The following POLR1B variants were observed in gnomAD, a reference collection of about 807,000 sequenced individuals.
POLR1B encodes the protein RNA polymerase I subunit B, also known as DNA-directed RNA polymerase I subunit RPA2.
In POLR1B, 30 loss-of-function variants were observed where a neutral mutation model predicts 105.8. The observed-to-expected ratio is 0.28, with a 90% CI of 0.21 to 0.38. The LOEUF (loss-of-function observed/expected upper bound fraction) is 0.38. POLR1B is among the 10% of genes least tolerant of loss of function. POLR1B has a pLI of 1.00. For missense variants in POLR1B, 976 were observed against 1,435.8 expected (o/e 0.68, Z 5.17); for synonymous variants, 485 against 505.1 (o/e 0.96, Z 0.53).
At position 112,575,498 on chromosome 2, in the gene POLR1B, C is replaced by T. The variant is rs374115474; in HGVS notation, c.3177C>T (p.Phe1059=). The change falls in exon 15 of 15, where the codon TTC becomes TTT. Residue 1059 remains phenylalanine, a synonymous_variant. Transcript: ENST00000263331. This position sits in a 1 kb window ranked among gnomAD's most constrained non-coding sequence, Gnocchi z 5.3. ...GTSFLLHDRL[F]NCSDRSVAHV... The stretch of plus-strand genomic sequence containing the variant: ...CTTTTCTCCTTCATGACCGCCTCTT[C>T]AACTGCTCAGATCGGTCGGTAGCCC... 9.9e-5 allele frequency: 160 copies of T among 1,614,042 alleles called. 1 individual carries two copies. Among genetic ancestry groups the T allele is most frequent in the Middle Eastern group, 6.6e-4 (4 of 6,082 alleles).
chr2:112,554,415 G>C (rs2104528483), intron 7 of POLR1B: 1 of 152,262 alleles, frequency 6.6e-6, no homozygotes, highest in East Asian at 1.9e-4. Flanking sequence ...TTACAGGCGT[G>C]AGCTACCACA....
chr2:112,547,602 A>G lies in POLR1B; in HGVS notation c.492+35A>G, dbSNP rs1279731124. On this transcript the variant is annotated intron_variant, in intron 3 of 14. Transcript: ENST00000263331. ...GGCGTCCAGGCATGAGACAGTAGAGAAGGCCTGGGTTGGGAGTAAGAAGAC... is the reference window on the plus strand; with the variant it reads ...GGCGTCCAGGCATGAGACAGTAGAGGAGGCCTGGGTTGGGAGTAAGAAGAC... 1.9e-6 allele frequency: 3 copies of G among 1,601,476 alleles called. No homozygotes were observed. The African/African-American group carries it at 4.0e-5, about 22-fold the overall frequency.
At chr2:112,560,908 C>A (rs992353077) in intron 9 of POLR1B, among the ~76,000 whole-genome samples, 17 of 151,812 alleles carry the variant, frequency 1.1e-4, no homozygotes, top group Non-Finnish European at 1.5e-4. Flanking sequence ...TATACACACA[C>A]AAAAAAATTA....
At chr2:112,546,739 A>G (rs896158039) in intron 1 of POLR1B, among the ~76,000 whole-genome samples, 15 of 150,396 alleles carry the variant, frequency 1.0e-4, no homozygotes, top group African/African-American at 3.7e-4. Flanking sequence ...TTTTTTTTGT[A>G]TTTTTAGTAG....
At chr2:112,574,011 A>G (rs935947029) in intron 14 of POLR1B, among the ~76,000 whole-genome samples, 196 bp downstream of exon 14, 1 of 151,870 alleles carries the variant, frequency 6.6e-6, no homozygotes, top group Non-Finnish European at 1.5e-5. Flanking sequence ...ATGCCCAGCT[A>G]ATTTTTTGTA....
chr2:112,573,532 C>G, intron 13 of POLR1B, 30 bp from the exon 14 acceptor site: 1 of 1,590,174 alleles, frequency 6.3e-7, no homozygotes, highest in Non-Finnish European at 8.6e-7. Flanking sequence ...CAATTGGCCT[C>G]AGTCTTTTAA....
intron 10 of POLR1B, among the ~76,000 whole-genome samples, chr2:112,565,486 C>G (rs1684228831): frequency 1.3e-5 from 2 of 152,154 alleles, no homozygotes; most frequent in African/African-American, 4.8e-5. Context: ...CAGAGAAGGT[C>G]ATGTGGGTGG....
chr2:112,555,760 C>T (rs1218216042), intron 7 of POLR1B, among the ~76,000 whole-genome samples: 1 of 152,114 alleles, frequency 6.6e-6, no homozygotes, highest in East Asian at 1.9e-4. Context: ...AATTCATTGC[C>T]GAGTATCTGA....
chr2:112,546,195 T>C (rs1683032550), intron 1 of POLR1B, among the ~76,000 whole-genome samples: 1 of 152,118 alleles, frequency 6.6e-6, no homozygotes, highest in African/African-American at 2.4e-5. Flanking sequence ...TACAAAGAAG[T>C]AACTTCTGTG....
At chr2:112,552,135 C>CG in intron 6 of POLR1B, 137 bp downstream of exon 6, 1 of 600,640 alleles carries the variant, frequency 1.7e-6, no homozygotes, top group Middle Eastern at 3.9e-4. Context: ...CCTTGCTAGC[C>CG]GGGGGCTACC....
intron 3 of POLR1B, 99 bp downstream of exon 3, chr2:112,547,666 C>A: frequency 7.4e-7 from 1 of 1,353,354 alleles, no homozygotes; most frequent in Non-Finnish European, 1.0e-6. Context: ...GCTCCAATTT[C>A]TGGATAGGTG....
In POLR1B at chr2:112,579,272, T is replaced by C. The variant is rs925686698; in HGVS notation, c.*3543T>C. ...CAAAATTGTAGATAAGGAGGACTAC[T>C]ATACAGGTTATTGTGTAAACATAAG... On this transcript the variant is annotated 3_prime_UTR_variant, in exon 15 of 15. Transcript: ENST00000263331. Among the ~76,000 whole-genome samples, 1 of 139,444 alleles carries C rather than the reference T, an allele frequency of 7.2e-6. No homozygotes were observed. The highest frequency in any genetic ancestry group is 2.7e-5 in the African/African-American group (1 of 37,052). 91.5% of individuals were successfully genotyped at this position (139,444 alleles called of 152,430 possible). A position where few individuals can be genotyped will look rare whatever the true frequency, so the allele number is the denominator to read the frequency against.
chr2:112,542,231 G>T (rs1019627565), upstream of POLR1B: 3 of 1,535,578 alleles, frequency 2.0e-6, no homozygotes, highest in Admixed American at 2.0e-5. Flanking sequence ...GCGGGGAGAT[G>T]AGTGGGGCGG....
upstream of POLR1B, chr2:112,542,193 G>C (rs1163521884): frequency 6.5e-7 from 1 of 1,535,742 alleles, no homozygotes; most frequent in Non-Finnish European, 8.7e-7. Context: ...GGCGGGGAGC[G>C]GGTTTCCACC....
At chr2:112,571,124 T>C (rs1684567603) in intron 12 of POLR1B, among the ~76,000 whole-genome samples, 1 of 152,202 alleles carries the variant, frequency 6.6e-6, no homozygotes, top group Non-Finnish European at 1.5e-5. Context: ...CTAAGATTTC[T>C]TATCTTCATT....
chr2:112,565,326 C>A (rs1397255152), intron 10 of POLR1B, among the ~76,000 whole-genome samples: 1 of 152,200 alleles, frequency 6.6e-6, no homozygotes, highest in Non-Finnish European at 1.5e-5. Flanking sequence ...CTTTGCCCTA[C>A]ATCCTTTATC....
intron 10 of POLR1B, among the ~76,000 whole-genome samples, chr2:112,567,690 T>C (rs1684362379): frequency 6.6e-6 from 1 of 152,216 alleles, no homozygotes; most frequent in African/African-American, 2.4e-5. Flanking sequence ...CATGAGTTTT[T>C]GGTTTATTAA....
At chr2:112,551,504 C>T (rs1026133542) in intron 5 of POLR1B, among the ~76,000 whole-genome samples, 1 of 152,110 alleles carries the variant, frequency 6.6e-6, no homozygotes, top group Non-Finnish European at 1.5e-5. Context: ...TCTTTTTCAC[C>T]ACATTCTCTT....
intron 12 of POLR1B, among the ~76,000 whole-genome samples, chr2:112,570,340 AC>A (rs1331041194): frequency 6.6e-6 from 1 of 152,004 alleles, no homozygotes; most frequent in African/African-American, 2.4e-5. Context: ...GAGCCACTGC[AC>A]CTGGCCCAGA....
Sources: allele counts gnomAD v4.1 joint callset (sites outside exome capture counted in the v4.1 genomes callset), GRCh38; gene constraint gnomAD v4.1.1; non-coding constraint Gnocchi (gnomAD v3.1); transcripts MANE v1.5; gene names NCBI Gene and HGNC (gene_info 2026-07-23, HGNC 2026-07-21).